Variants in GTF2IRD2B observed in about 807,000 individuals in gnomAD.
The protein encoded by GTF2IRD2B is GTF2I repeat domain containing 2B.
A neutral mutation model predicts 55.6 loss-of-function variants in GTF2IRD2B; 10 were observed. The ratio of observed to expected loss-of-function variants is 0.18; its 90% CI spans 0.11 to 0.31. The LOEUF (loss-of-function observed/expected upper bound fraction) is 0.31, where lower values mean the gene tolerates loss of function less well. GTF2IRD2B is among the 10% of genes least tolerant of loss of function. GTF2IRD2B has a pLI of 1.00. For missense variants in GTF2IRD2B, 206 were observed against 802.7 expected, an observed-to-expected ratio of 0.26 and a Z score of 8.98; for synonymous variants, 107 against 320.5, an observed-to-expected ratio of 0.33 and a Z score of 7.12.
chr7:75,118,372 G>T (rs587658617), intron 3 of GTF2IRD2B, among the ~76,000 whole-genome samples: 7,636 of 151,088 alleles, frequency 0.051, 369 homozygotes, highest in South Asian at 0.072. Flanking sequence ...GCCCCTGCTT[G>T]CCAGCCACCA....
chr7:75,124,044 T>A (rs1554536060), intron 6 of GTF2IRD2B, among the ~76,000 whole-genome samples: 1 of 150,756 alleles, frequency 6.6e-6, no homozygotes, highest in Non-Finnish European at 1.5e-5. Flanking sequence ...GAATATTTTT[T>A]AAAAAAAGAA....
chr7:75,135,136 T>G, intron 10 of GTF2IRD2B, 79 bp downstream of exon 10: 1 of 916,696 alleles, frequency 1.1e-6, no homozygotes, highest in Non-Finnish European at 1.6e-6. Flanking sequence ...AAGAACATAC[T>G]TTTTTTTTCT....
At chr7:75,106,088 C>T (rs1807794426) in intron 1 of GTF2IRD2B, among the ~76,000 whole-genome samples, 1 of 152,312 alleles carries the variant, frequency 6.6e-6, no homozygotes, top group South Asian at 2.1e-4. Flanking sequence ...CGCATGTGAC[C>T]TCCACACTTA....
intron 4 of GTF2IRD2B, among the ~76,000 whole-genome samples, chr7:75,121,965 G>A (rs138466137): frequency 5.1e-4 from 69 of 134,492 alleles, no homozygotes; most frequent in East Asian, 2.3e-3. Context: ...GGGTTTCATT[G>A]TGTTAGCCAG....
At chr7:75,103,049 G>T (rs1408934465) in intron 1 of GTF2IRD2B, among the ~76,000 whole-genome samples, 1 of 150,984 alleles carries the variant, frequency 6.6e-6, no homozygotes, top group East Asian at 2.0e-4. Context: ...AGGCTGAGGC[G>T]TGTGGATCAA....
At chr7:75,118,514 CCCA>C (rs1808251103) in intron 3 of GTF2IRD2B, among the ~76,000 whole-genome samples, 1 of 151,500 alleles carries the variant, frequency 6.6e-6, no homozygotes, top group African/African-American at 2.4e-5. Context: ...CCTGCCTTAG[CCCA>C]GCAGTTACAG....
Position 75,120,891 on chromosome 7 carries a change from G to T in GTF2IRD2B, c.239G>T (p.Cys80Phe). Residue 80 changes from cysteine (C) to phenylalanine (F), a missense_variant and splice_region_variant, in exon 4 of 16, where the codon TGC (cysteine) becomes TTC (phenylalanine). Coordinates refer to ENST00000472837, the MANE Select transcript of GTF2IRD2B (RefSeq NM_001003795.3). ...TDFQKDFAKY[C>F]VAEGLCEVKP... ...CCTAATGCCAATCATCCATTTGCAG[G>T]CGTTGCAGAGGGACTGTGTGAGGTG... The T allele has an allele frequency of 2.5e-6, 4 of 1,611,406 alleles. No homozygotes were observed. Among genetic ancestry groups the T allele is most frequent in the Non-Finnish European group, 2.5e-6 (3 of 1,178,500 alleles).
chr7:75,121,917 T>C (rs10264921), intron 4 of GTF2IRD2B, among the ~76,000 whole-genome samples: 13,626 of 79,916 alleles, frequency 0.17, 760 homozygotes, highest in African/African-American at 0.33. Context: ...CCCGCCACCG[T>C]GCCCGGCTAA....
At chr7:75,101,774 A>G (rs1477996174) in intron 1 of GTF2IRD2B, among the ~76,000 whole-genome samples, 1 of 147,500 alleles carries the variant, frequency 6.8e-6, no homozygotes, top group African/African-American at 2.5e-5. Flanking sequence ...CACGCCTGTA[A>G]TCCTAGCTAC....
In GTF2IRD2B at chr7:75,148,171, A is replaced by T. The variant is rs1809211398; in HGVS notation, c.1724A>T (p.Asp575Val). ...ATCCGTGGTGTCGATGAGAATTTCG[A>T]TGTGTCCGAAGAACTTCTGGACACG... Reference protein sequence around the residue: ...IFIRGVDENFDVSEELLDTVP... With the variant: ...IFIRGVDENFVVSEELLDTVP... Residue 575 changes from aspartate to valine, a missense_variant, in exon 16 of 16, where the codon GAT becomes GTT. Transcript: ENST00000472837. 1 of 1,613,556 alleles carries T rather than the reference A, an allele frequency of 6.2e-7. No individual in the cohort carries two copies. Among genetic ancestry groups the T allele is most frequent in the African/African-American group, 1.3e-5 (1 of 74,890 alleles).
At chr7:75,109,106 A>G (rs1807877069) in intron 2 of GTF2IRD2B, 43 bp downstream of exon 2, 1 of 686,380 alleles carries the variant, frequency 1.5e-6, no homozygotes, top group African/African-American at 1.4e-5. Flanking sequence ...TAGATGGATC[A>G]TTGTCGAAAT....
intron 3 of GTF2IRD2B, among the ~76,000 whole-genome samples, chr7:75,115,648 T>A (rs2115745004): frequency 6.9e-6 from 1 of 144,588 alleles, no homozygotes; most frequent in African/African-American, 2.6e-5. Flanking sequence ...TTGGCCAGGA[T>A]GGTCTTGAAT....
In GTF2IRD2B at chr7:75,148,262, G is replaced by A. The variant is rs781800060; in HGVS notation, c.1815G>A (p.Lys605=). 7 of 1,613,848 alleles carry A rather than the reference G, an allele frequency of 4.3e-6. No homozygotes were observed. The East Asian group carries it at 1.6e-4, about 36-fold the overall frequency. ...TGCGTGTTGAGAAGAGCCTGAAAAA[G>A]TTCTGTATCAACTGGTCGAGATTAG... ...IFLRVEKSLK[K]FCINWSRLVS... The change falls in exon 16 of 16, where the codon AAG becomes AAA. Residue 605 remains lysine (K), a synonymous_variant. Transcript: ENST00000472837.
chr7:75,123,064 C>CA (rs1286631025), intron 4 of GTF2IRD2B, 72 bp from the exon 5 acceptor site: 2 of 1,566,508 alleles, frequency 1.3e-6, no homozygotes, highest in Non-Finnish European at 1.7e-6. Context: ...AAACAAAAAA[C>CA]AAAAAACAAA....
intron 3 of GTF2IRD2B, among the ~76,000 whole-genome samples, chr7:75,113,855 G>C (rs587690655): frequency 3.6e-5 from 5 of 139,604 alleles, no homozygotes; most frequent in Non-Finnish European, 7.8e-5. Flanking sequence ...TTGGCAGAGG[G>C]TATATAAAGT....
intron 11 of GTF2IRD2B, among the ~76,000 whole-genome samples, chr7:75,137,313 G>C (rs1419186883): frequency 6.7e-6 from 1 of 150,068 alleles, no homozygotes; most frequent in Non-Finnish European, 1.5e-5. Flanking sequence ...TTGAGGTGTT[G>C]TAGACAACAT....
intron 6 of GTF2IRD2B, chr7:75,123,861 G>A (rs1808466029): frequency 2.8e-6 from 1 of 354,484 alleles, no homozygotes; most frequent in Middle Eastern, 1.0e-3. Context: ...CTGGGCGACT[G>A]AGCAAGACTC....
chr7:75,115,383 TTC>T (rs1379009487), intron 3 of GTF2IRD2B, among the ~76,000 whole-genome samples: 8 of 151,214 alleles, frequency 5.3e-5, no homozygotes, highest in Non-Finnish European at 1.2e-4. Flanking sequence ...TCAAGATTAT[TTC>T]TGTTATTCAG....
chr7:75,105,347 T>C (rs1475250987), intron 1 of GTF2IRD2B, among the ~76,000 whole-genome samples: 1 of 152,114 alleles, frequency 6.6e-6, no homozygotes, highest in Admixed American at 6.5e-5. Flanking sequence ...CCACCAAAAA[T>C]ACAAAAATTA....
Sources: allele counts gnomAD v4.1 joint callset (sites outside exome capture counted in the v4.1 genomes callset), GRCh38; gene constraint gnomAD v4.1.1; transcripts MANE v1.5; gene names NCBI Gene and HGNC (gene_info 2026-07-23, HGNC 2026-07-21).